GRM5: variants seen among roughly 807,000 people sequenced by gnomAD.
GRM5 encodes the protein glutamate metabotropic receptor 5, also known as metabotropic glutamate receptor 5.
GRM5 carries 19 observed loss-of-function variants against 83.1 expected under a neutral mutation model. The ratio of observed to expected loss-of-function variants is 0.23; its 90% CI spans 0.16 to 0.34. The LOEUF (loss-of-function observed/expected upper bound fraction) is 0.34, where lower values mean the gene tolerates loss of function less well. Among genes scored for constraint, GRM5 ranks in the 10% least tolerant of loss-of-function variants. GRM5 has a pLI of 1.00. For missense variants in GRM5, 1,160 were observed against 1,588.3 expected, an observed-to-expected ratio of 0.73 and a Z score of 4.58; for synonymous variants, 675 against 633.6, an observed-to-expected ratio of 1.07 and a Z score of -0.98.
At chr11:89,013,552 C>A (rs1231466865) in intron 2 of GRM5, among the ~76,000 whole-genome samples, 1 of 152,162 alleles carries the variant, frequency 6.6e-6, no homozygotes, top group African/African-American at 2.4e-5. Context: ...TCACACCTGA[C>A]AATTCTGTGT....
At chr11:88,596,550 G>C (rs1937810491) in intron 6 of GRM5, among the ~76,000 whole-genome samples, 2 of 151,844 alleles carry the variant, frequency 1.3e-5, no homozygotes, top group South Asian at 4.1e-4. Context: ...CTTGTTTCTG[G>C]ACAGTCTTCA....
chr11:88,991,775 T>C (rs1285653226), intron 2 of GRM5, among the ~76,000 whole-genome samples: 1 of 152,030 alleles, frequency 6.6e-6, no homozygotes, highest in Non-Finnish European at 1.5e-5. Flanking sequence ...GGATTCCCTA[T>C]TTAATAAATG....
At position 88,798,696 on chromosome 11, in the gene GRM5, ATTG is replaced by A. The variant is rs369464298; in HGVS notation, c.911+51207_911+51209del. ...GTAAAAGTTATTTATCACGGTCATA[ATTG>A]TTGTTTTGTGGATAGGAGCATTTGA... On this transcript the variant is annotated intron_variant, in intron 3 of 9. Coordinates refer to ENST00000305447, the MANE Select transcript of GRM5 (RefSeq NM_001143831.3). 3.8e-3 allele frequency among the ~76,000 whole-genome samples: 569 copies of A among 150,474 alleles called. 3 individuals are homozygous for A. The highest frequency in any genetic ancestry group is 0.013 in the African/African-American group (533 of 41,102).
At chr11:88,524,214 C>CTTTCTTT (rs1555060035) in intron 9 of GRM5, among the ~76,000 whole-genome samples, 3 of 101,406 alleles carry the variant, frequency 3.0e-5, no homozygotes, top group African/African-American at 1.4e-4. Flanking sequence ...TTCTTTCTTT[C>CTTTCTTT]TTTTTTTTTT....
At chr11:88,536,671 C>T (rs991723440) in intron 8 of GRM5, among the ~76,000 whole-genome samples, 4 of 152,142 alleles carry the variant, frequency 2.6e-5, no homozygotes, top group Non-Finnish European at 5.9e-5. Flanking sequence ...TTGGATCAAA[C>T]ATCTACCTCT....
intron 3 of GRM5, among the ~76,000 whole-genome samples, chr11:88,694,725 G>T (rs2135364436): frequency 6.6e-6 from 1 of 152,152 alleles, no homozygotes; most frequent in Non-Finnish European, 1.5e-5. Context: ...TACTTTCTTG[G>T]TTATTTAGAG....
At chr11:88,905,482 T>C (rs1404058796) in intron 2 of GRM5, among the ~76,000 whole-genome samples, 8 of 152,062 alleles carry the variant, frequency 5.3e-5, no homozygotes, top group African/African-American at 1.7e-4. Context: ...GCTGGAATTA[T>C]GGGTGCCCAT....
At chr11:88,875,821 G>C (rs1248732842) in intron 2 of GRM5, among the ~76,000 whole-genome samples, 1 of 152,054 alleles carries the variant, frequency 6.6e-6, no homozygotes, top group Non-Finnish European at 1.5e-5. Flanking sequence ...TTCTTCTTAA[G>C]AGTAGTTCTT....
intron 2 of GRM5, among the ~76,000 whole-genome samples, chr11:89,045,418 T>C (rs997151669): frequency 2.0e-5 from 3 of 152,188 alleles, no homozygotes; most frequent in African/African-American, 7.2e-5. Flanking sequence ...TCAAATTGTT[T>C]GCATAAAAAC....
chr11:88,674,402 T>C (rs1940270538), intron 3 of GRM5, among the ~76,000 whole-genome samples: 1 of 151,982 alleles, frequency 6.6e-6, no homozygotes, highest in Admixed American at 6.6e-5. Context: ...TTATATCTAA[T>C]TACTTCTACA....
In GRM5 at chr11:89,003,974, T is replaced by C. The variant is rs534120661; in HGVS notation, c.661+43238A>G. ...AGTGATTCTAAAGCTGAACTGGAAA[T>C]ATAAGCTGAATAAGGTCGGAGTGAA... On this transcript the variant is annotated intron_variant, in intron 2 of 9. Coordinates refer to ENST00000305447, the MANE Select transcript of GRM5 (RefSeq NM_001143831.3). Among the ~76,000 whole-genome samples, 44 of 152,232 alleles carry C rather than the reference T, an allele frequency of 2.9e-4. No individual in the cohort carries two copies. In the South Asian group the frequency reaches 8.9e-3, roughly 31 times the overall value.
chr11:88,615,726 G>A (rs11020651), intron 4 of GRM5, among the ~76,000 whole-genome samples: 5,255 of 151,292 alleles, frequency 0.035, 304 homozygotes, highest in African/African-American at 0.12. Flanking sequence ...GGGGCCAGAT[G>A]TGGTTGGTAT....
At chr11:88,986,528 T>G (rs1939716577) in intron 2 of GRM5, among the ~76,000 whole-genome samples, 1 of 146,462 alleles carries the variant, frequency 6.8e-6, no homozygotes, top group Non-Finnish European at 1.5e-5. Flanking sequence ...TCAACTCTTT[T>G]GCTCATTTTT....
intron 9 of GRM5, among the ~76,000 whole-genome samples, chr11:88,515,144 G>A (rs540336844): frequency 6.6e-6 from 1 of 152,084 alleles, no homozygotes; most frequent in Non-Finnish European, 1.5e-5. Flanking sequence ...TAGTACAGTC[G>A]CTACTTCCCC....
At chr11:88,705,966 C>A (rs1453409059) in intron 3 of GRM5, among the ~76,000 whole-genome samples, 1 of 151,996 alleles carries the variant, frequency 6.6e-6, no homozygotes, top group African/African-American at 2.4e-5. Context: ...TGAAGCCTCA[C>A]CACAACCCTA....
chr11:88,809,268 A>T lies in GRM5; in HGVS notation c.911+40638T>A, dbSNP rs115403631. Reference sequence around the variant, plus strand: ...AAGTCACTGTATTTTCTTATGTTTCATCAGACTTCTTTCCCCTCTAAGGGG... The same window carrying T: ...AAGTCACTGTATTTTCTTATGTTTCTTCAGACTTCTTTCCCCTCTAAGGGG... On this transcript the variant is annotated intron_variant, in intron 3 of 9. Coordinates refer to ENST00000305447, the MANE Select transcript of GRM5 (RefSeq NM_001143831.3). Among the ~76,000 whole-genome samples, 414 of 152,122 alleles carry T rather than the reference A, an allele frequency of 2.7e-3. 2 individuals carry two copies. The highest frequency in any genetic ancestry group is 9.5e-3 in the African/African-American group (394 of 41,554).
At chr11:88,747,889 C>T (rs1942176790) in intron 3 of GRM5, among the ~76,000 whole-genome samples, 1 of 152,098 alleles carries the variant, frequency 6.6e-6, no homozygotes, top group South Asian at 2.1e-4. Context: ...GTCTGCAGCA[C>T]TCATGGAGAG....
At chr11:89,044,078 C>A (rs1271993648) in intron 2 of GRM5, among the ~76,000 whole-genome samples, 1 of 152,104 alleles carries the variant, frequency 6.6e-6, no homozygotes, top group Non-Finnish European at 1.5e-5. Context: ...GGGCAAGCAC[C>A]ATCAATCCTG....
At chr11:88,709,758 T>C (rs1407819935) in intron 3 of GRM5, among the ~76,000 whole-genome samples, 3 of 152,118 alleles carry the variant, frequency 2.0e-5, no homozygotes, top group Admixed American at 6.5e-5. Flanking sequence ...CCATGTGCCC[T>C]GGGGGCAAAT....
Sources: gnomAD v4.1 joint callset for allele counts (sites outside exome capture counted in the v4.1 genomes callset) on GRCh38, gnomAD v4.1.1 for gene constraint, MANE v1.5 for transcripts, NCBI Gene and HGNC (gene_info 2026-07-23, HGNC 2026-07-21) for gene names.